The following NUP210L variants were observed in gnomAD, a reference collection of about 807,000 sequenced individuals.
NUP210L encodes the protein nucleoporin 210 like.
In NUP210L, 74 loss-of-function variants were observed where a neutral mutation model predicts 208.5. The observed-to-expected ratio is 0.35, with a 90% CI of 0.29 to 0.43. The LOEUF (loss-of-function observed/expected upper bound fraction) is 0.43, where lower values mean the gene tolerates loss of function less well. NUP210L is among the 20% of genes least tolerant of loss of function. NUP210L has a pLI of 1.00. For synonymous variants in NUP210L, 780 were observed against 816.9 expected, an observed-to-expected ratio of 0.95 and a Z score of 0.77; for missense variants, 1,843 against 2,289.4, an observed-to-expected ratio of 0.81 and a Z score of 3.98.
At chr1:154,134,891 C>A (rs1340034372) in intron 7 of NUP210L, among the ~76,000 whole-genome samples, 1 of 151,720 alleles carries the variant, frequency 6.6e-6, no homozygotes, top group Non-Finnish European at 1.5e-5. Flanking sequence ...GCATGCACCA[C>A]CACGCCCGGC....
At chr1:154,001,915 G>A in exon 36 of NUP210L, 1 of 1,614,084 alleles carries the variant, frequency 6.2e-7, no homozygotes, top group South Asian at 1.1e-5. Flanking sequence ...AGACTGAGGT[G>A]TCAGCCACAC....
chr1:154,095,038 G>A (rs780700424), exon 15 of NUP210L: 19 of 1,613,780 alleles, frequency 1.2e-5, no homozygotes, highest in African/African-American at 5.3e-5. Flanking sequence ...TGTCTTCTCC[G>A]CATTCAATTC....
intron 6 of NUP210L, among the ~76,000 whole-genome samples, chr1:154,136,812 C>T (rs1293802164): frequency 7.0e-6 from 1 of 143,214 alleles, no homozygotes; most frequent in African/African-American, 2.6e-5. Context: ...CCCAGCTACT[C>T]GGGAGGCTGC....
At chr1:154,153,100 T>C (rs988993080) in intron 1 of NUP210L, among the ~76,000 whole-genome samples, 1 of 152,164 alleles carries the variant, frequency 6.6e-6, no homozygotes, top group Non-Finnish European at 1.5e-5. Context: ...TCCCTCAATT[T>C]TTTTTAAAAG....
At chr1:154,116,198 T>A (rs1571291945) in intron 12 of NUP210L, among the ~76,000 whole-genome samples, 1 of 142,856 alleles carries the variant, frequency 7.0e-6, no homozygotes, top group Non-Finnish European at 1.5e-5. Context: ...GAGCTTGCAG[T>A]GAGCCAAGAT....
chr1:154,083,004 A>G (rs145652817), intron 16 of NUP210L, among the ~76,000 whole-genome samples: 20 of 152,294 alleles, frequency 1.3e-4, no homozygotes, highest in African/African-American at 4.6e-4. Context: ...GTGAAGCTGC[A>G]GACCTTCGTG....
intron 14 of NUP210L, among the ~76,000 whole-genome samples, chr1:154,098,129 T>A (rs1309893340): frequency 6.6e-6 from 1 of 152,216 alleles, no homozygotes; most frequent in African/African-American, 2.4e-5. Context: ...GGTGCCAGCA[T>A]GGGCACTGGC....
At chr1:154,065,919 GA>G (rs1401724882) in intron 17 of NUP210L, among the ~76,000 whole-genome samples, 10 of 102,892 alleles carry the variant, frequency 9.7e-5, no homozygotes, top group Non-Finnish European at 1.4e-4. Flanking sequence ...AAAAAAAAAA[GA>G]AAGAAAGAAA....
chr1:154,002,038 C>A lies in NUP210L; in HGVS notation c.4931-53G>T. On this transcript the variant is annotated intron_variant, in intron 35 of 39. Transcript: ENST00000368559. ...AGGAAGGTTCAGAGGCTCTATTGAGCCAACTGAATTAGGATAGGAAGGGAA... is the reference window on the plus strand; with the variant it reads ...AGGAAGGTTCAGAGGCTCTATTGAGACAACTGAATTAGGATAGGAAGGGAA... 3.2e-6 allele frequency: 5 copies of A among 1,573,958 alleles called. No individual in the cohort carries two copies. The South Asian group carries it at 5.7e-5, about 18-fold the overall frequency.
rs576528826 is a variant in NUP210L at position 154,003,348 on chromosome 1, C to T, written c.4931-1363G>A. Among the ~76,000 whole-genome samples the T allele has an allele frequency of 1.8e-3, 270 of 152,140 alleles. 1 individual carries two copies. Among genetic ancestry groups the T allele is most frequent in the Non-Finnish European group, 3.2e-3 (219 of 68,002 alleles). ...TCAGCCTCCCAAGTAGCTGGGACTA[C>T]AGGCGCCTGCCACCACATCCGGCTA... On this transcript the variant is annotated intron_variant, in intron 35 of 39. Transcript: ENST00000368559.
intron 9 of NUP210L, among the ~76,000 whole-genome samples, chr1:154,127,098 T>C (rs574650126): frequency 7.3e-6 from 1 of 136,438 alleles, no homozygotes; most frequent in Non-Finnish European, 1.6e-5. Context: ...AGAGCGAGAC[T>C]GTGTCTCTTT....
chr1:153,995,012 A>AC, intron 38 of NUP210L, 64 bp downstream of exon 38: 1 of 180,200 alleles, frequency 5.5e-6, no homozygotes. Flanking sequence ...ACTCCATCTC[A>AC]AAAAAAAAAA....
intron 7 of NUP210L, among the ~76,000 whole-genome samples, chr1:154,134,650 C>T (rs1436509567): frequency 7.4e-6 from 1 of 134,260 alleles, no homozygotes; most frequent in African/African-American, 2.7e-5. Context: ...GGCAGGAGAA[C>T]GGCGTGAACC....
intron 12 of NUP210L, among the ~76,000 whole-genome samples, chr1:154,105,895 G>C (rs565588668): frequency 7.9e-5 from 12 of 152,298 alleles, no homozygotes; most frequent in African/African-American, 2.9e-4. Context: ...TAGCTAGTCA[G>C]TATTTGCCAC....
At chr1:154,062,972 T>G (rs1654218719) in intron 17 of NUP210L, among the ~76,000 whole-genome samples, 1 of 152,210 alleles carries the variant, frequency 6.6e-6, no homozygotes, top group Admixed American at 6.5e-5. Context: ...TGCCTAAATC[T>G]GTGAGGCAGT....
intron 16 of NUP210L, among the ~76,000 whole-genome samples, chr1:154,081,119 TATAA>T (rs1189222631): frequency 1.3e-5 from 2 of 151,754 alleles, no homozygotes; most frequent in East Asian, 1.9e-4. Flanking sequence ...TTACATTAAG[TATAA>T]ATAAATTTTA....
At chr1:154,041,323 T>C (rs1652865507) in intron 27 of NUP210L, among the ~76,000 whole-genome samples, 1 of 152,082 alleles carries the variant, frequency 6.6e-6, no homozygotes, top group South Asian at 2.1e-4. Context: ...TGTTTGTTTA[T>C]GTATTTATGT....
intron 16 of NUP210L, among the ~76,000 whole-genome samples, chr1:154,072,546 A>T (rs1297140896): frequency 6.6e-6 from 1 of 151,892 alleles, no homozygotes; most frequent in Non-Finnish European, 1.5e-5. Flanking sequence ...GTTAGCCAGG[A>T]TGGTCTTGAT....
At chr1:154,038,517 AT>A (rs1324121632) in intron 27 of NUP210L, among the ~76,000 whole-genome samples, 1 of 151,366 alleles carries the variant, frequency 6.6e-6, no homozygotes, top group Non-Finnish European at 1.5e-5. Context: ...TAATTTTTGT[AT>A]TTTTTTAGTA....
Sources: allele counts gnomAD v4.1 joint callset (sites outside exome capture counted in the v4.1 genomes callset), GRCh38; gene constraint gnomAD v4.1.1; transcripts MANE v1.5; gene names NCBI Gene and HGNC (gene_info 2026-07-23, HGNC 2026-07-21).